The following MAGI2 variants were observed in gnomAD, a reference collection of about 807,000 sequenced individuals.
MAGI2 encodes membrane associated guanylate kinase, WW and PDZ domain containing 2, also known as membrane-associated guanylate kinase, WW and PDZ domain-containing protein 2.
A neutral mutation model predicts 133.3 loss-of-function variants in MAGI2; 35 were observed. That is an observed-to-expected ratio of 0.26 (90% confidence interval 0.20 to 0.35). The LOEUF is 0.35. Ranked by LOEUF, MAGI2 falls within the 10% of genes least tolerant of loss-of-function variation. The probability of loss-of-function intolerance (pLI) is 1.00; values close to 1 mark genes in which losing one functional copy is unlikely to be tolerated. For synonymous variants in MAGI2, 729 were observed against 710.6 expected, an observed-to-expected ratio of 1.03 and a Z score of -0.41; for missense variants, 1,636 against 1,863.4, an observed-to-expected ratio of 0.88 and a Z score of 2.25.
intron 1 of MAGI2, among the ~76,000 whole-genome samples, chr7:79,446,180 G>C (rs1298714850): frequency 6.6e-6 from 1 of 152,160 alleles, no homozygotes; most frequent in African/African-American, 2.4e-5. Flanking sequence ...GTGGGAGGAG[G>C]GGGGAGGGAT....
intron 1 of MAGI2, among the ~76,000 whole-genome samples, chr7:79,045,213 G>C (rs1397234749): frequency 6.6e-6 from 1 of 152,138 alleles, no homozygotes; most frequent in Non-Finnish European, 1.5e-5. Context: ...TGGCTTCCTA[G>C]GGGTGAGGAT....
chr7:79,382,530 A>G (rs1317229095), intron 1 of MAGI2, among the ~76,000 whole-genome samples: 1 of 151,498 alleles, frequency 6.6e-6, no homozygotes, highest in Non-Finnish European at 1.5e-5. Context: ...TCTGTTACCC[A>G]CTGGGTAATC....
intron 2 of MAGI2, among the ~76,000 whole-genome samples, chr7:78,792,968 C>G (rs1233707313): frequency 6.6e-6 from 1 of 152,196 alleles, no homozygotes; most frequent in Non-Finnish European, 1.5e-5. Context: ...ATATGACTGG[C>G]TCCATGTCTT....
intron 13 of MAGI2, among the ~76,000 whole-genome samples, chr7:78,180,975 A>G (rs1827138767): frequency 6.9e-6 from 1 of 144,792 alleles, no homozygotes; most frequent in African/African-American, 2.6e-5. Context: ...CATTTTAGGA[A>G]GATAATTTTT....
At chr7:78,961,268 A>T (rs1219808466) in intron 2 of MAGI2, among the ~76,000 whole-genome samples, 1 of 152,080 alleles carries the variant, frequency 6.6e-6, no homozygotes, top group Admixed American at 6.6e-5. Context: ...TAATCTTCAG[A>T]TGCCAAATTG....
At chr7:79,039,337 A>C (rs932822384) in intron 1 of MAGI2, among the ~76,000 whole-genome samples, 1 of 152,208 alleles carries the variant, frequency 6.6e-6, no homozygotes, top group Non-Finnish European at 1.5e-5. Flanking sequence ...TATTAAAATA[A>C]ATAAATAAAT....
At chr7:78,667,723 T>C (rs1813795043) in intron 2 of MAGI2, among the ~76,000 whole-genome samples, 1 of 152,060 alleles carries the variant, frequency 6.6e-6, no homozygotes, top group African/African-American at 2.4e-5. Context: ...CATGAACTCA[T>C]CATTTTTTAT....
At chr7:79,199,876 G>C (rs114415381) in intron 1 of MAGI2, among the ~76,000 whole-genome samples, 2,178 of 151,924 alleles carry the variant, frequency 0.014, 71 homozygotes, top group African/African-American at 0.049. Flanking sequence ...CTTTTTCTCT[G>C]GGGTGACTGT....
In MAGI2 at chr7:78,627,173, T is replaced by G. The variant is rs1253794196; in HGVS notation, c.485A>C (p.Asp162Ala). ...GVDYIFITVE[D>A]FMELEKSGAL... is the part of the protein sequence containing the mutation. ...ACCACTTTTCTCCAATTCCATAAAA[T>G]CTTCAACAGTGATGAAAATATAATC... Residue 162 changes from aspartate to alanine, a missense_variant, in exon 3 of 22, where the codon GAT becomes GCT. Coordinates refer to ENST00000354212, the MANE Select transcript of MAGI2 (RefSeq NM_012301.4). 1 of 1,597,844 alleles carries G rather than the reference T, an allele frequency of 6.3e-7. No individual in the cohort carries two copies. Among genetic ancestry groups the G allele is most frequent in the Non-Finnish European group, 8.5e-7 (1 of 1,172,422 alleles).
chr7:78,503,932 T>A (rs989053046), intron 4 of MAGI2, among the ~76,000 whole-genome samples: 1 of 142,532 alleles, frequency 7.0e-6, no homozygotes, highest in Non-Finnish European at 1.5e-5. Context: ...CTTTCCTTTA[T>A]AAATTACCCA....
At chr7:78,800,974 C>T (rs1035433712) in intron 2 of MAGI2, among the ~76,000 whole-genome samples, 29 of 152,046 alleles carry the variant, frequency 1.9e-4, no homozygotes, top group African/African-American at 4.3e-4. Context: ...CCTATGAGAA[C>T]GTAATTTCAT....
rs186660280 is a variant in MAGI2 at position 79,261,909 on chromosome 7, T to C, written c.301+191111A>G. On this transcript the variant is annotated intron_variant, in intron 1 of 21. Transcript: ENST00000354212. ...TCTGGGAAACTCTTACCCCAAAAGA[T>C]AAAAGTTGCAAGTAACTTTGTTGTT... is the stretch of plus-strand genomic sequence containing the variant. 1.8e-3 allele frequency among the ~76,000 whole-genome samples: 274 copies of C among 152,266 alleles called. 1 individual carries two copies. The highest frequency in any genetic ancestry group is 6.3e-3 in the African/African-American group (262 of 41,570).
intron 1 of MAGI2, among the ~76,000 whole-genome samples, chr7:79,126,957 CA>C (rs1285245561): frequency 2.6e-5 from 4 of 151,402 alleles, no homozygotes; most frequent in African/African-American, 9.7e-5. Flanking sequence ...CTCCTCCCCC[CA>C]CCCCACAACA....
intron 2 of MAGI2, among the ~76,000 whole-genome samples, chr7:78,641,917 G>A (rs1810358919): frequency 6.6e-6 from 1 of 152,262 alleles, no homozygotes; most frequent in South Asian, 2.1e-4. Context: ...GTTCCTATAA[G>A]TGAAGGAGCT....
At chr7:79,292,741 T>C (rs1280338638) in intron 1 of MAGI2, among the ~76,000 whole-genome samples, 1 of 129,058 alleles carries the variant, frequency 7.7e-6, no homozygotes, top group Non-Finnish European at 1.5e-5. Flanking sequence ...TTTCTTCACA[T>C]CAATTTTGGA....
At chr7:79,146,925 G>C (rs1822695815) in intron 1 of MAGI2, among the ~76,000 whole-genome samples, 1 of 152,190 alleles carries the variant, frequency 6.6e-6, no homozygotes, top group African/African-American at 2.4e-5. Flanking sequence ...CTAATAGACT[G>C]TGCTTTATTT....
intron 10 of MAGI2, among the ~76,000 whole-genome samples, chr7:78,209,354 C>T (rs1360467684): frequency 8.3e-5 from 12 of 145,068 alleles, no homozygotes; most frequent in African/African-American, 2.3e-4. Context: ...CTCCGCCTTA[C>T]GGGTTCAGGC....
At chr7:78,368,316 TGTGGTTGGAAAAAACAAAGTAGG>T (rs1793590028) in intron 7 of MAGI2, among the ~76,000 whole-genome samples, 1 of 152,172 alleles carries the variant, frequency 6.6e-6, no homozygotes, top group Non-Finnish European at 1.5e-5. Flanking sequence ...TTAAACAGAA[TGTGGTTGGAAAAAACAAAGTAGG>T]ATCTTGATGA....
At chr7:78,534,330 A>C (rs1797707184) in intron 3 of MAGI2, among the ~76,000 whole-genome samples, 1 of 152,240 alleles carries the variant, frequency 6.6e-6, no homozygotes, top group African/African-American at 2.4e-5. Context: ...TTTATGGATA[A>C]ATACAGATCT....
Sources: gnomAD v4.1 joint callset for allele counts (sites outside exome capture counted in the v4.1 genomes callset) on GRCh38, gnomAD v4.1.1 for gene constraint, MANE v1.5 for transcripts, NCBI Gene and HGNC (gene_info 2026-07-23, HGNC 2026-07-21) for gene names.